The following PTPRD variants were observed in gnomAD, a reference collection of about 807,000 sequenced individuals.
The protein encoded by PTPRD is receptor-type tyrosine-protein phosphatase delta.
In PTPRD, 34 loss-of-function variants were observed where a neutral mutation model predicts 214.5. The observed-to-expected ratio is 0.16, with a 90% CI of 0.12 to 0.21. PTPRD has a LOEUF of 0.21. PTPRD is among the 10% of genes least tolerant of loss of function. The probability of loss-of-function intolerance (pLI) is 1.00; values close to 1 mark genes in which losing one functional copy is unlikely to be tolerated. For missense variants in PTPRD, 2,545 were observed against 2,398.7 expected, an observed-to-expected ratio of 1.06 and a Z score of -1.27; for synonymous variants, 1,128 against 845.7, an observed-to-expected ratio of 1.33 and a Z score of -5.79.
At chr9:10,470,369 A>C (rs935225261) in intron 2 of PTPRD, among the ~76,000 whole-genome samples, 9 of 152,208 alleles carry the variant, frequency 5.9e-5, no homozygotes, top group African/African-American at 1.7e-4. Flanking sequence ...TATATAGCTA[A>C]AGTAGATAAA....
At chr9:9,751,636 G>A (rs75455166) in intron 6 of PTPRD, among the ~76,000 whole-genome samples, 5 of 152,126 alleles carry the variant, frequency 3.3e-5, no homozygotes, top group East Asian at 1.9e-4. Flanking sequence ...AAAGAATAAC[G>A]TGAAGAAGAG....
intron 4 of PTPRD, among the ~76,000 whole-genome samples, chr9:9,947,990 G>A (rs914196061): frequency 6.6e-6 from 1 of 151,814 alleles, no homozygotes; most frequent in African/African-American, 2.4e-5. Flanking sequence ...TATCCTGGTA[G>A]CAAGATTTTT....
intron 43 of PTPRD, among the ~76,000 whole-genome samples, chr9:8,332,308 G>GTA (rs1188773565): frequency 1.3e-5 from 2 of 152,120 alleles, no homozygotes; most frequent in Non-Finnish European, 1.5e-5. Flanking sequence ...CACAAACCCG[G>GTA]TAGTTGCTGT....
intron 5 of PTPRD, among the ~76,000 whole-genome samples, chr9:9,935,698 A>T (rs1051710543): frequency 1.4e-5 from 2 of 145,502 alleles, no homozygotes; most frequent in African/African-American, 2.9e-5. Flanking sequence ...GCTACCAATG[A>T]CTTTCTTCAC....
chr9:9,990,807 G>C (rs1192475840), intron 4 of PTPRD, among the ~76,000 whole-genome samples: 1 of 152,192 alleles, frequency 6.6e-6, no homozygotes, highest in South Asian at 2.1e-4. Flanking sequence ...ATACATTAGA[G>C]AGGATGTGCT....
chr9:10,165,423 T>G (rs989774667), intron 3 of PTPRD, among the ~76,000 whole-genome samples: 2 of 151,800 alleles, frequency 1.3e-5, no homozygotes, highest in Non-Finnish European at 3.0e-5. Context: ...ATGAAATATA[T>G]GCAATAAAAG....
At chr9:10,211,306 T>C (rs140146119) in intron 3 of PTPRD, among the ~76,000 whole-genome samples, 1,649 of 152,254 alleles carry the variant, frequency 0.011, 16 homozygotes, top group Admixed American at 0.022. Flanking sequence ...AAATAATGCA[T>C]CTTCAAGGGC....
intron 9 of PTPRD, among the ~76,000 whole-genome samples, chr9:9,237,329 C>G (rs2099967454): frequency 6.6e-6 from 1 of 152,074 alleles, no homozygotes; most frequent in Non-Finnish European, 1.5e-5. Flanking sequence ...CTTTGGGAGG[C>G]CAAGGCAGGA....
chr9:9,187,251 A>G (rs2099932174), intron 9 of PTPRD, among the ~76,000 whole-genome samples: 3 of 152,060 alleles, frequency 2.0e-5, no homozygotes, highest in Admixed American at 2.0e-4. Context: ...TTAAAATTAC[A>G]TATTAAAGAG....
In PTPRD at chr9:8,951,848, G is replaced by A. The variant is rs141586193; in HGVS notation, c.-104+66849C>T. Among the ~76,000 whole-genome samples, 535 of 151,994 alleles carry A rather than the reference G, an allele frequency of 3.5e-3. 4 individuals carry two copies. The highest frequency in any genetic ancestry group is 0.012 in the African/African-American group (489 of 41,494). ...TTGTCCTGCACTCTCCATTCACACA[G>A]CAGTGAAAATTTTCTCCTGCTCAAA... On this transcript the variant is annotated intron_variant, in intron 11 of 45. Transcript: ENST00000381196.
chr9:10,526,804 C>G (rs1566743889), intron 2 of PTPRD, among the ~76,000 whole-genome samples: 1 of 152,008 alleles, frequency 6.6e-6, no homozygotes, highest in Non-Finnish European at 1.5e-5. Context: ...ATTAACTTGT[C>G]GATTCTCAAT....
intron 9 of PTPRD, among the ~76,000 whole-genome samples, chr9:9,327,850 G>T (rs1240242880): frequency 6.7e-6 from 1 of 149,136 alleles, no homozygotes; most frequent in Non-Finnish European, 1.5e-5. Context: ...GTTGGAAGAA[G>T]AATTGTTTTG....
intron 23 of PTPRD, 69 bp from the exon 24 acceptor site, chr9:8,501,128 A>G: frequency 8.2e-7 from 1 of 1,213,760 alleles, no homozygotes; most frequent in Non-Finnish European, 1.1e-6. Flanking sequence ...AAAAAATGAT[A>G]AAACAAAAGA....
chr9:9,892,461 C>T (rs10120332), intron 5 of PTPRD, among the ~76,000 whole-genome samples: 17 of 151,882 alleles, frequency 1.1e-4, no homozygotes, highest in South Asian at 8.3e-4. Context: ...GTGAGCCAGA[C>T]GGAAAGTAAA....
chr9:10,292,663 GT>G, intron 3 of PTPRD, among the ~76,000 whole-genome samples: 1 of 151,966 alleles, frequency 6.6e-6, no homozygotes, highest in East Asian at 1.9e-4. Context: ...AATGAAATAT[GT>G]CAAAAACATC....
chr9:8,660,736 CAA>C (rs1449719750), intron 12 of PTPRD, among the ~76,000 whole-genome samples: 2 of 152,110 alleles, frequency 1.3e-5, no homozygotes, highest in Admixed American at 6.6e-5. Flanking sequence ...GCAGAGCAAT[CAA>C]AAAGCAAACC....
At position 8,623,621 on chromosome 9, in the gene PTPRD, C is replaced by G. The variant is rs188110268; in HGVS notation, c.352+9696G>C. 2.8e-4 allele frequency among the ~76,000 whole-genome samples: 43 copies of G among 152,040 alleles called. 1 individual carries two copies. In the East Asian group the frequency reaches 8.2e-3, roughly 29 times the overall value. ...ATGATAATGATAATCACAACAACAA[C>G]TCACATTTCCTGAGTGCCTAGAACT... On this transcript the variant is annotated intron_variant, in intron 14 of 45. Transcript: ENST00000381196.
At chr9:8,794,821 A>G (rs1411250852) in intron 11 of PTPRD, among the ~76,000 whole-genome samples, 1 of 152,122 alleles carries the variant, frequency 6.6e-6, no homozygotes, top group Admixed American at 6.5e-5. Context: ...GCAATGACTC[A>G]GGATTTAGGG....
intron 2 of PTPRD, among the ~76,000 whole-genome samples, chr9:10,475,174 C>CA (rs1256741060): frequency 1.3e-5 from 2 of 152,044 alleles, no homozygotes; most frequent in Admixed American, 6.6e-5. Context: ...AAAAACCCTT[C>CA]AAAAAATCAG....
Sources: gnomAD v4.1 joint callset for allele counts (sites outside exome capture counted in the v4.1 genomes callset) on GRCh38, gnomAD v4.1.1 for gene constraint, MANE v1.5 for transcripts, NCBI Gene and HGNC (gene_info 2026-07-23, HGNC 2026-07-21) for gene names.